RTKN2: variants seen among roughly 807,000 people sequenced by gnomAD.
RTKN2 encodes the protein rhotekin-2.
RTKN2 carries 69 observed loss-of-function variants against 71.5 expected under a neutral mutation model. The observed-to-expected ratio is 0.96, with a 90% CI of 0.79 to 1.18. The LOEUF (loss-of-function observed/expected upper bound fraction) is 1.18. Among genes scored for constraint, RTKN2 ranks in the 50% most tolerant of loss-of-function variants. The probability of loss-of-function intolerance (pLI) is 0.00; values close to 1 mark genes in which losing one functional copy is unlikely to be tolerated. For missense variants in RTKN2, 724 were observed against 719.7 expected, an observed-to-expected ratio of 1.01 and a Z score of -0.07; for synonymous variants, 236 against 236.5, an observed-to-expected ratio of 1.00 and a Z score of 0.02.
chr10:62,218,122 G>T, intron 8 of RTKN2, 73 bp downstream of exon 8: 1 of 909,920 alleles, frequency 1.1e-6, no homozygotes, highest in Non-Finnish European at 1.7e-6. Context: ...ATATCAGAAG[G>T]TGAAACAACT....
In RTKN2 at chr10:62,199,786, G is replaced by C. The variant is rs753350986; in HGVS notation, c.1262C>G (p.Thr421Arg). ...ATGGTAGACTGAGGTTGCCTCTTTT[G>C]TCAAGAACAAAGGTGGTTTCCGTGG... ...MSPRKPPLFL[T>R]KEATSVYHDM... Residue 421 changes from threonine to arginine, a missense_variant, in exon 11 of 12, where the codon ACA becomes AGA. Coordinates refer to ENST00000373789, the MANE Select transcript of RTKN2 (RefSeq NM_145307.4). 1.1e-5 allele frequency: 17 copies of C among 1,613,118 alleles called. No homozygotes were observed. The Admixed American group carries it at 2.2e-4, about 21-fold the overall frequency.
intron 6 of RTKN2, among the ~76,000 whole-genome samples, chr10:62,225,912 G>C (rs1028145106): frequency 6.6e-6 from 1 of 151,718 alleles, no homozygotes; most frequent in African/African-American, 2.4e-5. Flanking sequence ...CTCCCGAGTA[G>C]CTGGGACTAC....
intron 9 of RTKN2, among the ~76,000 whole-genome samples, chr10:62,206,045 G>A (rs1480560648): frequency 2.0e-5 from 3 of 152,074 alleles, no homozygotes; most frequent in African/African-American, 4.8e-5. Flanking sequence ...TTAATTTAAC[G>A]ATGTATTTCA....
At chr10:62,189,793 T>C (rs146745832), downstream of RTKN2, among the ~76,000 whole-genome samples, 1,392 of 151,616 alleles carry the variant, frequency 9.2e-3, 22 homozygotes, top group African/African-American at 0.032. Context: ...CACGCCACTG[T>C]AGTCCAGGCT....
intron 9 of RTKN2, among the ~76,000 whole-genome samples, chr10:62,216,846 A>G (rs991244816): frequency 2.0e-5 from 3 of 152,136 alleles, no homozygotes; most frequent in Non-Finnish European, 2.9e-5. Flanking sequence ...TAAAAAATTT[A>G]AATATACTGC....
chr10:62,220,697 C>T (rs1466972437), intron 7 of RTKN2, among the ~76,000 whole-genome samples: 1 of 152,042 alleles, frequency 6.6e-6, no homozygotes, highest in African/African-American at 2.4e-5. Context: ...AACATATCAA[C>T]AATGTAAAGA....
chr10:62,191,523 C>A (rs892018993), downstream of RTKN2, among the ~76,000 whole-genome samples: 3 of 152,170 alleles, frequency 2.0e-5, no homozygotes, highest in African/African-American at 7.2e-5. Context: ...CTCTTTCATA[C>A]TGCCCACAGT....
chr10:62,220,917 G>T (rs1430494137), intron 7 of RTKN2, among the ~76,000 whole-genome samples: 1 of 151,908 alleles, frequency 6.6e-6, no homozygotes, highest in Non-Finnish European at 1.5e-5. Context: ...AATTAAAACT[G>T]CAGAATTAAG....
intron 7 of RTKN2, among the ~76,000 whole-genome samples, chr10:62,219,303 A>G (rs1841851783): frequency 6.6e-6 from 1 of 152,202 alleles, no homozygotes; most frequent in Admixed American, 6.6e-5. Context: ...TTGAGCAAGC[A>G]GGGTAAAAGA....
chr10:62,189,612 G>A (rs965735106), downstream of RTKN2, among the ~76,000 whole-genome samples: 16 of 152,134 alleles, frequency 1.1e-4, no homozygotes, highest in African/African-American at 3.9e-4. Flanking sequence ...GATCACCTGA[G>A]GTCAGGAGTT....
intron 9 of RTKN2, among the ~76,000 whole-genome samples, chr10:62,216,355 A>G (rs1589347274): frequency 1.3e-5 from 2 of 152,202 alleles, no homozygotes; most frequent in African/African-American, 2.4e-5. Context: ...GGCAAAAACC[A>G]TGATATTTTG....
At chr10:62,250,712 C>T (rs1842564327) in intron 2 of RTKN2, among the ~76,000 whole-genome samples, 1 of 152,152 alleles carries the variant, frequency 6.6e-6, no homozygotes, top group South Asian at 2.1e-4. Flanking sequence ...TCACTGCAAC[C>T]TCCGCCTCCT....
chr10:62,198,162 C>T lies in RTKN2; in HGVS notation c.1576G>A (p.Val526Ile), dbSNP rs1008976269. 11 of 1,613,984 alleles carry T rather than the reference C, an allele frequency of 6.8e-6. No individual in the cohort carries two copies. The highest frequency in any genetic ancestry group is 5.1e-6 in the Non-Finnish European group (6 of 1,179,996). ...CTTGTTTTTCCCCAGTTGTCCTTAA[C>T]CAATTGATCTGTGTTACTCTGTGAT... ...LKSQSNTDQL[V>I]KDNWGKTSVS... is the part of the protein sequence containing the mutation. The change falls in exon 12 of 12, where the codon GTT (valine) becomes ATT (isoleucine). Residue 526 changes from valine to isoleucine, a missense_variant. Transcript: ENST00000373789.
intron 2 of RTKN2, among the ~76,000 whole-genome samples, chr10:62,247,507 G>C (rs1465458268): frequency 1.3e-5 from 2 of 151,688 alleles, no homozygotes; most frequent in Non-Finnish European, 3.0e-5. Context: ...ATTAAAACTA[G>C]GGAATTCACT....
chr10:62,214,989 T>C, intron 9 of RTKN2: 1 of 886,188 alleles, frequency 1.1e-6, no homozygotes, highest in Non-Finnish European at 1.7e-6. Flanking sequence ...AAAGAAATAA[T>C]ATACCTGTAA....
chr10:62,209,881 T>C (rs1164119898), intron 9 of RTKN2, among the ~76,000 whole-genome samples: 1 of 152,150 alleles, frequency 6.6e-6, no homozygotes, highest in Non-Finnish European at 1.5e-5. Context: ...GGCATTTAGG[T>C]TGATTCCATG....
intron 6 of RTKN2, among the ~76,000 whole-genome samples, chr10:62,233,904 G>C (rs1294226311): frequency 6.6e-6 from 1 of 152,056 alleles, no homozygotes; most frequent in South Asian, 2.1e-4. Context: ...GAGCCAACTC[G>C]ACGAAACATG....
chr10:62,227,468 G>A (rs192088904), intron 6 of RTKN2, among the ~76,000 whole-genome samples: 1 of 152,248 alleles, frequency 6.6e-6, no homozygotes, highest in East Asian at 1.9e-4. Context: ...TACATGCTAG[G>A]TGTGTTTGAC....
chr10:62,246,144 A>G, intron 2 of RTKN2, 87 bp from the exon 3 acceptor site: 1 of 769,220 alleles, frequency 1.3e-6, no homozygotes, highest in Non-Finnish European at 2.2e-6. Flanking sequence ...AAAATATTAA[A>G]AGCAAATGCA....
Sources: gnomAD v4.1 joint callset for allele counts (sites outside exome capture counted in the v4.1 genomes callset) on GRCh38, gnomAD v4.1.1 for gene constraint, MANE v1.5 for transcripts, NCBI Gene and HGNC (gene_info 2026-07-23, HGNC 2026-07-21) for gene names.